DLC1: variants seen among roughly 807,000 people sequenced by gnomAD.
DLC1 encodes DLC1 Rho GTPase activating protein.
In DLC1, 54 loss-of-function variants were observed where a neutral mutation model predicts 140.3. The ratio of observed to expected loss-of-function variants is 0.38; its 90% CI spans 0.31 to 0.48. The LOEUF (loss-of-function observed/expected upper bound fraction) is 0.48. DLC1 is among the 20% of genes least tolerant of loss of function. DLC1 has a pLI of 0.96. For synonymous variants in DLC1, 986 were observed against 728.1 expected (o/e 1.35, Z -5.70); for missense variants, 2,536 against 1,907.0 (o/e 1.33, Z -6.14).
At chr8:13,154,382 C>T (rs1423154448) in intron 5 of DLC1, among the ~76,000 whole-genome samples, 4 of 152,194 alleles carry the variant, frequency 2.6e-5, no homozygotes, top group South Asian at 2.1e-4. Context: ...TGGAGCATGG[C>T]GCCTGCGGGC....
chr8:13,449,087 C>G (rs1015924221), intron 2 of DLC1, among the ~76,000 whole-genome samples: 3 of 152,190 alleles, frequency 2.0e-5, no homozygotes, highest in Non-Finnish European at 4.4e-5. Flanking sequence ...AAGCCACAAT[C>G]ATTCCAGAGG....
chr8:13,494,981 G>A (rs1801436256), intron 2 of DLC1, among the ~76,000 whole-genome samples: 1 of 151,928 alleles, frequency 6.6e-6, no homozygotes, highest in Non-Finnish European at 1.5e-5. Flanking sequence ...ACAAACCTGA[G>A]GGATAAACTA....
intron 4 of DLC1, among the ~76,000 whole-genome samples, chr8:13,363,523 A>G (rs893736279): frequency 6.6e-6 from 1 of 152,232 alleles, no homozygotes; most frequent in South Asian, 2.1e-4. Context: ...TCTTTTTCCA[A>G]AAGTTATTGT....
At chr8:13,275,495 G>A (rs1192577731) in intron 5 of DLC1, among the ~76,000 whole-genome samples, 1 of 152,106 alleles carries the variant, frequency 6.6e-6, no homozygotes, top group African/African-American at 2.4e-5. Context: ...AAACAAGAAG[G>A]CACCATAAAC....
At chr8:13,303,211 A>G (rs776684693) in intron 5 of DLC1, among the ~76,000 whole-genome samples, 42 of 152,222 alleles carry the variant, frequency 2.8e-4, no homozygotes, top group Non-Finnish European at 1.3e-4. Flanking sequence ...TAATATTTTC[A>G]TAAAGAGCAG....
chr8:13,188,844 T>TATATATGTATATATATATATATA (rs1491498157), intron 5 of DLC1, among the ~76,000 whole-genome samples: 2 of 25,836 alleles, frequency 7.7e-5, no homozygotes, highest in Non-Finnish European at 8.2e-5. Context: ...TATATATATA[T>TATATATGTATATATATATATATA]TTTTTTTTTT....
chr8:13,461,455 C>G (rs1799654282), intron 2 of DLC1, among the ~76,000 whole-genome samples: 1 of 152,170 alleles, frequency 6.6e-6, no homozygotes, highest in South Asian at 2.1e-4. Context: ...TGTCCTTGCC[C>G]TGCCAAGGGC....
chr8:13,156,610 A>T (rs1415864811), intron 5 of DLC1, among the ~76,000 whole-genome samples: 1 of 152,128 alleles, frequency 6.6e-6, no homozygotes, highest in Non-Finnish European at 1.5e-5. Context: ...GCGTAATCAT[A>T]CTGGTTAGGG....
At chr8:13,554,285 T>G (rs190585723) in intron 1 of DLC1, among the ~76,000 whole-genome samples, 25 of 152,240 alleles carry the variant, frequency 1.6e-4, no homozygotes, top group African/African-American at 5.8e-4. Flanking sequence ...AGGCTGGTCT[T>G]GAACTTCTGA....
At chr8:13,147,361 A>G (rs1424127688) in intron 5 of DLC1, among the ~76,000 whole-genome samples, 1 of 152,172 alleles carries the variant, frequency 6.6e-6, no homozygotes, top group Non-Finnish European at 1.5e-5. Flanking sequence ...TGAATTGAGT[A>G]TTTCTCTGTG....
chr8:13,121,683 G>T lies in DLC1; in HGVS notation c.1349-6026C>A, dbSNP rs186807329. 2.1e-4 allele frequency among the ~76,000 whole-genome samples: 32 copies of T among 151,910 alleles called. No homozygotes were observed. In the East Asian group the frequency reaches 6.0e-3, roughly 28 times the overall value. On this transcript the variant is annotated intron_variant, in intron 5 of 17. Coordinates refer to ENST00000276297, the MANE Select transcript of DLC1 (RefSeq NM_182643.3). ...CCTGCCTCAGCCTCCTGAGTAGCTG[G>T]GACTACAGGTGTGTACCACCATGCC... is the stretch of plus-strand genomic sequence containing the variant.
chr8:13,427,983 A>C lies in DLC1; in HGVS notation c.1024-26364T>G, dbSNP rs377456236. On this transcript the variant is annotated intron_variant, in intron 2 of 17. Coordinates refer to ENST00000276297, the MANE Select transcript of DLC1 (RefSeq NM_182643.3). Reference sequence around the variant, plus strand: ...GCCAGAAATCCAGTTACGGTGTTCCAGTTTGCTTGCAGAGAGACAACATCC... The same window carrying C: ...GCCAGAAATCCAGTTACGGTGTTCCCGTTTGCTTGCAGAGAGACAACATCC... Among the ~76,000 whole-genome samples the C allele has an allele frequency of 2.4e-4, 36 of 152,274 alleles. No homozygotes were observed. The East Asian group carries it at 2.5e-3, about 11-fold the overall frequency.
intron 2 of DLC1, among the ~76,000 whole-genome samples, chr8:13,401,898 A>C (rs1378902527): frequency 6.6e-6 from 1 of 152,058 alleles, no homozygotes. Flanking sequence ...TGTATTTACT[A>C]TTTTCCCACT....
At chr8:13,179,736 C>A (rs147755839) in intron 5 of DLC1, among the ~76,000 whole-genome samples, 2 of 151,946 alleles carry the variant, frequency 1.3e-5, no homozygotes, top group African/African-American at 4.8e-5. Flanking sequence ...AACAAAAACA[C>A]ACAGAAAAAA....
At chr8:13,382,720 T>C (rs1836333101) in intron 4 of DLC1, among the ~76,000 whole-genome samples, 1 of 152,162 alleles carries the variant, frequency 6.6e-6, no homozygotes, top group Non-Finnish European at 1.5e-5. Context: ...AATCCTTTGC[T>C]AAGACCTCAG....
At chr8:13,137,998 C>G (rs113243088) in intron 5 of DLC1, among the ~76,000 whole-genome samples, 4 of 152,230 alleles carry the variant, frequency 2.6e-5, no homozygotes, top group African/African-American at 9.6e-5. Flanking sequence ...AGAAAGATTA[C>G]GTAGTTAACT....
intron 5 of DLC1, among the ~76,000 whole-genome samples, chr8:13,128,440 C>A (rs1563653190): frequency 6.6e-6 from 1 of 152,128 alleles, no homozygotes; most frequent in African/African-American, 2.4e-5. Flanking sequence ...CAGCTGCCTA[C>A]CTACGCACAC....
In DLC1 at chr8:13,099,668, C is replaced by A. The variant is rs754121366; in HGVS notation, c.2669G>T (p.Ser890Ile). The A allele has an allele frequency of 6.2e-7, 1 of 1,614,084 alleles. No individual in the cohort carries two copies. The highest frequency in any genetic ancestry group is 1.3e-5 in the African/African-American group (1 of 74,922). Residue 890 changes from serine to isoleucine, a missense_variant, in exon 9 of 18, where the codon AGT becomes ATT. By Grantham distance (142) the Ser-to-Ile change is moderately radical. Coordinates refer to ENST00000276297, the MANE Select transcript of DLC1 (RefSeq NM_182643.3). ...CTCCAGATCCGCCAGGTCCCCTGAACTGGAGTAGAGGATGGAGCCCGGCAC... is the reference window on the plus strand; with the variant it reads ...CTCCAGATCCGCCAGGTCCCCTGAAATGGAGTAGAGGATGGAGCCCGGCAC... ...DNVPGSILYS[S>I]SGDLADLENE...
rs879130010 is a variant in DLC1 at position 13,304,751 on chromosome 8, T to A, written c.1348+518A>T. On this transcript the variant is annotated intron_variant, in intron 5 of 17. Coordinates refer to ENST00000276297, the MANE Select transcript of DLC1 (RefSeq NM_182643.3). ...CATTTCTCATCAGTCCTTGTCCATT[T>A]CCCATAATACTGTTAAATAATTATA... is the stretch of plus-strand genomic sequence containing the variant. The A allele has an allele frequency of 3.2e-5, 31 of 956,992 alleles. 1 individual carries two copies. In the South Asian group the frequency reaches 8.7e-4, roughly 27 times the overall value. The allele number at this position is 956,992 out of a possible 1,614,324, so 59.3% of individuals were successfully genotyped here.
Sources: gnomAD v4.1 joint callset for allele counts (sites outside exome capture counted in the v4.1 genomes callset) on GRCh38, gnomAD v4.1.1 for gene constraint, MANE v1.5 for transcripts, NCBI Gene and HGNC (gene_info 2026-07-23, HGNC 2026-07-21) for gene names.